The following PPFIBP1 variants were observed in gnomAD, a reference collection of about 807,000 sequenced individuals.
The protein encoded by PPFIBP1 is PPFIB scaffold protein 1, also known as liprin-beta-1.
A neutral mutation model predicts 137.8 loss-of-function variants in PPFIBP1; 112 were observed. The observed-to-expected ratio is 0.81, with a 90% CI of 0.70 to 0.95. The LOEUF (loss-of-function observed/expected upper bound fraction) is 0.95, where lower values mean the gene tolerates loss of function less well. Ranked by LOEUF, PPFIBP1 falls within the 40% of genes least tolerant of loss-of-function variation. PPFIBP1 has a pLI of 0.00. For synonymous variants in PPFIBP1, 378 were observed against 417.3 expected (o/e 0.91, Z 1.15); for missense variants, 1,083 against 1,196.6 (o/e 0.91, Z 1.40).
intron 1 of PPFIBP1, among the ~76,000 whole-genome samples, chr12:27,559,106 G>T (rs901017100): frequency 6.6e-6 from 1 of 151,594 alleles, no homozygotes; most frequent in Non-Finnish European, 1.5e-5. Context: ...GGCCTCAAGC[G>T]ATCCTCCTGC....
At chr12:27,642,118 T>C (rs2058153841) in intron 4 of PPFIBP1, among the ~76,000 whole-genome samples, 1 of 152,228 alleles carries the variant, frequency 6.6e-6, no homozygotes, top group Non-Finnish European at 1.5e-5. Context: ...TGTAATTCTA[T>C]GAGGGATAAA....
intron 1 of PPFIBP1, among the ~76,000 whole-genome samples, chr12:27,531,459 A>AT (rs11434409): frequency 0.55 from 79,628 of 144,746 alleles, 22,280 homozygotes; most frequent in Middle Eastern, 0.68. Flanking sequence ...TGAGCAGCTA[A>AT]TTTTTTTTTT....
intron 2 of PPFIBP1, among the ~76,000 whole-genome samples, chr12:27,596,517 TTTA>T (rs879303124): frequency 2.6e-5 from 4 of 152,098 alleles, no homozygotes; most frequent in Admixed American, 2.6e-4. Flanking sequence ...TTTATTTTGT[TTTA>T]TTATTATTTT....
intron 2 of PPFIBP1, among the ~76,000 whole-genome samples, chr12:27,585,342 T>C (rs575812338): frequency 1.2e-4 from 19 of 152,228 alleles, no homozygotes; most frequent in African/African-American, 4.6e-4. Context: ...AACTGAGCTT[T>C]TCCACTCAGG....
At chr12:27,656,530 A>G in intron 8 of PPFIBP1, 86 bp from the exon 9 acceptor site, 1 of 818,790 alleles carries the variant, frequency 1.2e-6, no homozygotes, top group Non-Finnish European at 2.1e-6. Flanking sequence ...ATAAAACCTG[A>G]TTATTGATTT....
Position 27,671,470 on chromosome 12 carries a change from T to C in PPFIBP1, c.1186T>C (p.Leu396=), listed in dbSNP as rs745645716. ...TILQVSIPSL[L]PATVSMETSE... Reference sequence around the variant, plus strand: ...CTTGCAAGTTTCCATCCCTTCATTATTGCCAGCAACTGTAAGCATGGAAAC... The same window carrying C: ...CTTGCAAGTTTCCATCCCTTCATTACTGCCAGCAACTGTAAGCATGGAAAC... The change falls in exon 14 of 30, where the codon TTG becomes CTG. Residue 396 remains leucine (L), a synonymous_variant. Coordinates refer to ENST00000228425, the MANE Select transcript of PPFIBP1 (RefSeq NM_003622.4). 1.9e-6 allele frequency: 3 copies of C among 1,601,356 alleles called. No individual in the cohort carries two copies. Among genetic ancestry groups the C allele is most frequent in the South Asian group, 1.1e-5 (1 of 88,686 alleles).
intron 1 of PPFIBP1, among the ~76,000 whole-genome samples, chr12:27,560,221 G>C (rs1352790438): frequency 1.3e-5 from 2 of 152,152 alleles, no homozygotes. Flanking sequence ...CAAATTATTG[G>C]CTGGCTTAGA....
chr12:27,655,400 G>T (rs1039402640), intron 8 of PPFIBP1, among the ~76,000 whole-genome samples: 3 of 152,150 alleles, frequency 2.0e-5, no homozygotes, highest in African/African-American at 7.2e-5. Context: ...GATCCCTGAT[G>T]TTGTTTTCAG....
chr12:27,667,626 C>T (rs1490149606), intron 13 of PPFIBP1, among the ~76,000 whole-genome samples: 2 of 152,326 alleles, frequency 1.3e-5, no homozygotes, highest in East Asian at 3.9e-4. Context: ...TACACCACAC[C>T]GAAACTTTGT....
At chr12:27,650,209 T>G in intron 7 of PPFIBP1, 68 bp downstream of exon 7, 1 of 1,381,030 alleles carries the variant, frequency 7.2e-7, no homozygotes, top group Non-Finnish European at 9.8e-7. Context: ...CTGACACACA[T>G]ACATTCCTAG....
In PPFIBP1 at chr12:27,627,709, A is replaced by G. The variant is rs150208711; in HGVS notation, c.-35-5653A>G. On this transcript the variant is annotated intron_variant, in intron 2 of 29. Transcript: ENST00000228425. Reference sequence around the variant, plus strand: ...GTGTCCTGCCAATGCTTTAGCCACCACATCCATGCCCGGAACTTTCCTTGA... The same window carrying G: ...GTGTCCTGCCAATGCTTTAGCCACCGCATCCATGCCCGGAACTTTCCTTGA... 1.1e-3 allele frequency among the ~76,000 whole-genome samples: 167 copies of G among 152,258 alleles called. 1 individual carries two copies. The highest frequency in any genetic ancestry group is 3.5e-3 in the African/African-American group (147 of 41,562).
chr12:27,656,182 C>G (rs2059187188), intron 8 of PPFIBP1, among the ~76,000 whole-genome samples: 1 of 152,162 alleles, frequency 6.6e-6, no homozygotes. Flanking sequence ...GTCAAGGAAG[C>G]ATGAGTGCCA....
chr12:27,693,123 A>G lies in PPFIBP1; in HGVS notation c.*241A>G, dbSNP rs1593441537. On this transcript the variant is annotated 3_prime_UTR_variant, in exon 30 of 30. Coordinates refer to ENST00000228425, the MANE Select transcript of PPFIBP1 (RefSeq NM_003622.4). ...TCTATTTAATGTAAAAATCTGTGAT[A>G]TATTATATTTAAAGTGTTGCATTTA... 1 of 453,502 alleles carries G rather than the reference A, an allele frequency of 2.2e-6. No individual in the cohort carries two copies. Among genetic ancestry groups the G allele is most frequent in the East Asian group, 4.6e-5 (1 of 21,894 alleles). The allele number at this position is 453,502 out of a possible 1,614,324, so 28.1% of individuals were successfully genotyped here. A position where few individuals can be genotyped will look rare whatever the true frequency, so the allele number is the denominator to read the frequency against.
chr12:27,592,827 T>A (rs1441262410), intron 2 of PPFIBP1: 2 of 620,224 alleles, frequency 3.2e-6, no homozygotes, highest in Non-Finnish European at 5.7e-6. Flanking sequence ...TTTATGGAAC[T>A]CACATCCTTT....
chr12:27,558,467 TACACACAC>T (rs10677887), intron 1 of PPFIBP1, among the ~76,000 whole-genome samples: 1 of 129,368 alleles, frequency 7.7e-6, no homozygotes, highest in African/African-American at 3.1e-5. Flanking sequence ...CAGTATGTTA[TACACACAC>T]ACACACACAC....
intron 1 of PPFIBP1, among the ~76,000 whole-genome samples, chr12:27,534,089 A>T (rs1944706069): frequency 6.6e-6 from 1 of 152,176 alleles, no homozygotes; most frequent in Non-Finnish European, 1.5e-5. Context: ...CGAGAGAGAC[A>T]TGGTAGATAG....
intron 2 of PPFIBP1, among the ~76,000 whole-genome samples, chr12:27,620,724 T>G (rs1382499682): frequency 6.6e-6 from 1 of 152,118 alleles, no homozygotes; most frequent in Non-Finnish European, 1.5e-5. Flanking sequence ...GGGATAAGTA[T>G]TGTGTCCTTA....
At chr12:27,637,173 T>C (rs891988473) in intron 4 of PPFIBP1, 1 of 152,210 alleles carries the variant, frequency 6.6e-6, no homozygotes, top group South Asian at 2.1e-4. Flanking sequence ...GTCTTTCCAA[T>C]TGGAATGTAA....
intron 21 of PPFIBP1, among the ~76,000 whole-genome samples, chr12:27,680,853 C>T (rs775843336): frequency 2.6e-5 from 4 of 152,162 alleles, no homozygotes; most frequent in Non-Finnish European, 5.9e-5. Context: ...AAACCCTTTA[C>T]ATATAGCCCC....
Sources: allele counts gnomAD v4.1 joint callset (sites outside exome capture counted in the v4.1 genomes callset), GRCh38; gene constraint gnomAD v4.1.1; transcripts MANE v1.5; gene names NCBI Gene and HGNC (gene_info 2026-07-23, HGNC 2026-07-21).